Variants in TBL1XR1 observed in about 807,000 individuals in gnomAD.
The protein encoded by TBL1XR1 is F-box-like/WD repeat-containing protein TBL1XR1.
In TBL1XR1, 5 loss-of-function variants were observed where a neutral mutation model predicts 66.9. That is an observed-to-expected ratio of 0.07 (90% CI 0.04 to 0.16). The LOEUF is 0.16. Among genes scored for constraint, TBL1XR1 ranks in the 10% least tolerant of loss-of-function variants. TBL1XR1 has a pLI of 1.00. For synonymous variants in TBL1XR1, 210 were observed against 206.0 expected (o/e 1.02, Z -0.17); for missense variants, 238 against 623.2 (o/e 0.38, Z 6.58).
At chr3:177,192,737 G>A (rs1304939725) in intron 1 of TBL1XR1, among the ~76,000 whole-genome samples, 1 of 152,160 alleles carries the variant, frequency 6.6e-6, no homozygotes, top group Non-Finnish European at 1.5e-5. Context: ...AACCTATCAG[G>A]AGCAACTTAC....
intron 1 of TBL1XR1, among the ~76,000 whole-genome samples, chr3:177,179,625 G>C (rs1734570483): frequency 6.6e-6 from 1 of 152,154 alleles, no homozygotes; most frequent in Non-Finnish European, 1.5e-5. Context: ...CCTCAAAGTT[G>C]CAACTACTCT....
intron 1 of TBL1XR1, among the ~76,000 whole-genome samples, chr3:177,192,036 T>G (rs1467472476): frequency 1.4e-5 from 2 of 143,212 alleles, no homozygotes; most frequent in Admixed American, 7.3e-5. Flanking sequence ...GAGGTTGCAG[T>G]GAGCCGAGAT....
At chr3:177,201,056 A>G (rs143906836), upstream of TBL1XR1, among the ~76,000 whole-genome samples, 1,225 of 152,200 alleles carry the variant, frequency 8.0e-3, 8 homozygotes, top group Middle Eastern at 0.017. Flanking sequence ...CTCAATGAAG[A>G]GAAACCTCAT....
At chr3:177,046,253 A>C in intron 9 of TBL1XR1, 64 bp from the exon 10 acceptor site, 1 of 1,207,924 alleles carries the variant, frequency 8.3e-7, no homozygotes, top group Non-Finnish European at 1.2e-6. Flanking sequence ...TGTGTAAAGT[A>C]TATGCCTAAC....
At chr3:177,038,017 C>T (rs907928707) in intron 12 of TBL1XR1, 81 bp downstream of exon 12, 2 of 1,213,272 alleles carry the variant, frequency 1.6e-6, no homozygotes, top group African/African-American at 1.5e-5. Flanking sequence ...GTAAGACAGA[C>T]ATTCTAAATG....
At chr3:177,097,543 CCA>C (rs956718296) in intron 2 of TBL1XR1, among the ~76,000 whole-genome samples, 33 of 152,020 alleles carry the variant, frequency 2.2e-4, no homozygotes, top group Non-Finnish European at 4.3e-4. Flanking sequence ...ATGCCAGCTC[CCA>C]CAGAGTCCAC....
intron 1 of TBL1XR1, among the ~76,000 whole-genome samples, chr3:177,170,088 C>T (rs1336351571): frequency 6.6e-6 from 1 of 152,096 alleles, no homozygotes; most frequent in East Asian, 1.9e-4. Flanking sequence ...CTAGTTAAGA[C>T]TTTCACTTCT....
intron 2 of TBL1XR1, among the ~76,000 whole-genome samples, chr3:177,073,248 T>C (rs1720273834): frequency 6.6e-6 from 1 of 152,194 alleles, no homozygotes; most frequent in African/African-American, 2.4e-5. Context: ...ATGGCAATAT[T>C]GGTGACAAAT....
chr3:177,196,874 T>G, intron 1 of TBL1XR1, among the ~76,000 whole-genome samples: 1 of 142,494 alleles, frequency 7.0e-6, no homozygotes, highest in Admixed American at 6.9e-5. Flanking sequence ...GGTAGGGGGG[T>G]GGGCAGGCAC....
upstream of TBL1XR1, among the ~76,000 whole-genome samples, chr3:177,198,726 A>G (rs1167761519): frequency 1.3e-5 from 2 of 152,200 alleles, no homozygotes; most frequent in South Asian, 2.1e-4. Context: ...ACTGCCTTCA[A>G]AGCAAAATAA....
intron 1 of TBL1XR1, among the ~76,000 whole-genome samples, chr3:177,158,089 T>A (rs1485758322): frequency 2.0e-5 from 3 of 152,016 alleles, no homozygotes; most frequent in African/African-American, 7.2e-5. Context: ...CCCACCACGG[T>A]AGTTTTCAAT....
intron 1 of TBL1XR1, among the ~76,000 whole-genome samples, chr3:177,184,951 C>G (rs1735232169): frequency 6.6e-6 from 1 of 152,212 alleles, no homozygotes; most frequent in Non-Finnish European, 1.5e-5. Context: ...ACAGTTACAG[C>G]TCTTTAAGAA....
rs904805296 is a variant in TBL1XR1, at chr3:177,098,124, G to C, written c.-46+342C>G. 5.9e-5 allele frequency among the ~76,000 whole-genome samples: 9 copies of C among 152,170 alleles called. No individual in the cohort carries two copies. In the South Asian group the frequency reaches 6.2e-4, roughly 11 times the overall value. On this transcript the variant is annotated intron_variant, in intron 2 of 15. Coordinates refer to ENST00000457928, the MANE Select transcript of TBL1XR1 (RefSeq NM_024665.7). ...CCTGGGTGGCTGAGGCAGGACAATC[G>C]CTTTAACCTGGGAGGCGGAGGAGGT...
chr3:177,194,604 A>G (rs951374226), intron 1 of TBL1XR1, among the ~76,000 whole-genome samples: 1 of 152,206 alleles, frequency 6.6e-6, no homozygotes, highest in Non-Finnish European at 1.5e-5. Flanking sequence ...AAGGTTGTAT[A>G]TATACTGCAC....
At chr3:177,087,447 C>T (rs1722281853) in intron 2 of TBL1XR1, among the ~76,000 whole-genome samples, 1 of 151,998 alleles carries the variant, frequency 6.6e-6, no homozygotes, top group South Asian at 2.1e-4. Context: ...CTTTAGCATT[C>T]CAACCTTTTT....
intron 3 of TBL1XR1, among the ~76,000 whole-genome samples, chr3:177,059,203 A>G (rs1718194827): frequency 6.6e-6 from 1 of 152,202 alleles, no homozygotes; most frequent in Non-Finnish European, 1.5e-5. Context: ...ACCTGACTCC[A>G]TCGAATACAC....
At chr3:177,198,606 A>G (rs922696246), upstream of TBL1XR1, among the ~76,000 whole-genome samples, 1 of 152,176 alleles carries the variant, frequency 6.6e-6, no homozygotes, top group Non-Finnish European at 1.5e-5. Context: ...AGACTTTCAG[A>G]AAGATGGGGT....
intron 2 of TBL1XR1, among the ~76,000 whole-genome samples, chr3:177,067,418 T>TC (rs1719309583): frequency 6.6e-6 from 1 of 152,220 alleles, no homozygotes; most frequent in South Asian, 2.1e-4. Flanking sequence ...CAAAGGTTTT[T>TC]CACAATGCTC....
chr3:177,092,700 A>G (rs11928526), intron 2 of TBL1XR1, among the ~76,000 whole-genome samples: 2,717 of 148,222 alleles, frequency 0.018, 82 homozygotes, highest in African/African-American at 0.064. Context: ...CTCTGGAAAG[A>G]GTACAGAAGT....
Sources: allele counts gnomAD v4.1 joint callset (sites outside exome capture counted in the v4.1 genomes callset), GRCh38; gene constraint gnomAD v4.1.1; transcripts MANE v1.5; gene names NCBI Gene and HGNC (gene_info 2026-07-23, HGNC 2026-07-21).